The following FMN2 variants were observed in gnomAD, a reference collection of about 807,000 sequenced individuals.
FMN2 encodes formin 2, also known as formin-2.
FMN2 carries 51 observed loss-of-function variants against 142.3 expected under a neutral mutation model. The ratio of observed to expected loss-of-function variants is 0.36; its 90% CI spans 0.29 to 0.45. The LOEUF (loss-of-function observed/expected upper bound fraction) is 0.45. FMN2 is among the 20% of genes least tolerant of loss of function. The pLI, the probability that FMN2 is intolerant of heterozygous loss-of-function variation, is 1.00. For synonymous variants in FMN2, 882 were observed against 869.8 expected (o/e 1.01, Z -0.25); for missense variants, 1,936 against 2,122.8 (o/e 0.91, Z 1.73).
intron 1 of FMN2, among the ~76,000 whole-genome samples, chr1:240,122,733 G>A (rs10926133): frequency 0.46 from 69,953 of 151,864 alleles, 16,271 homozygotes; most frequent in Middle Eastern, 0.49. Context: ...CTTCAGCAAC[G>A]TAGTGAGACC....
intron 6 of FMN2, among the ~76,000 whole-genome samples, chr1:240,213,175 C>T (rs1328915611): frequency 6.6e-6 from 1 of 152,158 alleles, no homozygotes; most frequent in Non-Finnish European, 1.5e-5. Context: ...GCATCATCAT[C>T]TTAAGATAAT....
intron 2 of FMN2, among the ~76,000 whole-genome samples, chr1:240,141,344 T>TTTTATTTA (rs59481681): frequency 3.2e-4 from 48 of 150,524 alleles, no homozygotes; most frequent in South Asian, 6.3e-4. Context: ...GGCAACGGTA[T>TTTTATTTA]TTTATTTATT....
chr1:240,332,143 C>T (rs1293470338), intron 11 of FMN2, among the ~76,000 whole-genome samples: 1 of 152,018 alleles, frequency 6.6e-6, no homozygotes, highest in Non-Finnish European at 1.5e-5. Context: ...ATTCATAGTC[C>T]TTCCTTGGTA....
At chr1:240,289,840 T>G (rs1669716851) in intron 7 of FMN2, among the ~76,000 whole-genome samples, 1 of 152,226 alleles carries the variant, frequency 6.6e-6, no homozygotes, top group African/African-American at 2.4e-5. Context: ...ATAAGTCCTT[T>G]CCCTTCTGTG....
At chr1:240,139,597 A>G (rs1663094043) in intron 2 of FMN2, among the ~76,000 whole-genome samples, 2 of 152,360 alleles carry the variant, frequency 1.3e-5, no homozygotes, top group South Asian at 4.1e-4. Flanking sequence ...TTAAAAAGAA[A>G]GAAGGAGTGT....
At chr1:240,306,266 C>A (rs1303369314) in intron 8 of FMN2, among the ~76,000 whole-genome samples, 2 of 152,022 alleles carry the variant, frequency 1.3e-5, no homozygotes, top group Admixed American at 6.6e-5. Flanking sequence ...TTTTTATTTT[C>A]TTTTTTTAAA....
chr1:240,108,711 A>G (rs1483176718), intron 1 of FMN2, among the ~76,000 whole-genome samples: 1 of 152,122 alleles, frequency 6.6e-6, no homozygotes, highest in African/African-American at 2.4e-5. Context: ...AAATACAGCA[A>G]CTGTCTTGTT....
In FMN2 at chr1:240,139,784, C is replaced by T. The variant is rs934576629; in HGVS notation, c.1782+16439C>T. On this transcript the variant is annotated intron_variant, in intron 2 of 17. Transcript: ENST00000319653. Reference sequence around the variant, plus strand: ...GAAGATGGGAGGTGAAGTCAGTCCACGTGTGTGATTAGCTCTGTGCACTTG... The same window carrying T: ...GAAGATGGGAGGTGAAGTCAGTCCATGTGTGTGATTAGCTCTGTGCACTTG... Among the ~76,000 whole-genome samples the T allele has an allele frequency of 3.3e-5, 5 of 152,002 alleles. No individual in the cohort carries two copies. In the South Asian group the frequency reaches 6.2e-4, roughly 19 times the overall value.
chr1:240,232,909 C>T (rs983003816), intron 6 of FMN2, among the ~76,000 whole-genome samples: 2 of 152,192 alleles, frequency 1.3e-5, no homozygotes, highest in East Asian at 3.9e-4. Flanking sequence ...CTTACTGTGG[C>T]CTTGCTGTTT....
chr1:240,106,592 T>A (rs1661617579), intron 1 of FMN2, among the ~76,000 whole-genome samples: 1 of 152,126 alleles, frequency 6.6e-6, no homozygotes, highest in Non-Finnish European at 1.5e-5. Flanking sequence ...CCACTCTTCC[T>A]CCTCCTTATA....
chr1:240,117,109 C>G (rs186977936), intron 1 of FMN2, among the ~76,000 whole-genome samples: 1 of 152,130 alleles, frequency 6.6e-6, no homozygotes, highest in Admixed American at 6.6e-5. Flanking sequence ...CAGCTCAGAA[C>G]ACAAGGGAAA....
At chr1:240,302,413 G>T (rs2102974754) in intron 8 of FMN2, among the ~76,000 whole-genome samples, 1 of 151,876 alleles carries the variant, frequency 6.6e-6, no homozygotes, top group African/African-American at 2.4e-5. Flanking sequence ...AAAGAAAAAT[G>T]AATAAAAGAG....
At chr1:240,450,870 C>T (rs371511200) in intron 16 of FMN2, among the ~76,000 whole-genome samples, 6 of 152,214 alleles carry the variant, frequency 3.9e-5, no homozygotes, top group East Asian at 1.9e-4. Context: ...GCACGCAGAC[C>T]GTTCCTAGGG....
chr1:240,231,921 T>C (rs541465969), intron 6 of FMN2, among the ~76,000 whole-genome samples: 18 of 152,344 alleles, frequency 1.2e-4, no homozygotes, highest in African/African-American at 3.8e-4. Context: ...CTTGAATTCA[T>C]TGATCCTCAT....
chr1:240,334,056 T>C, intron 12 of FMN2, 53 bp from the exon 13 acceptor site: 1 of 1,572,162 alleles, frequency 6.4e-7, no homozygotes, highest in South Asian at 1.2e-5. Flanking sequence ...TATTATTCTT[T>C]TTTATATTGA....
chr1:240,281,508 A>G (rs1382821232), intron 7 of FMN2, among the ~76,000 whole-genome samples: 1 of 152,160 alleles, frequency 6.6e-6, no homozygotes, highest in East Asian at 1.9e-4. Context: ...CTAGCTCAGA[A>G]TTAGAATTCT....
chr1:240,225,763 C>T (rs754135411), intron 6 of FMN2, among the ~76,000 whole-genome samples: 6 of 151,856 alleles, frequency 4.0e-5, no homozygotes, highest in Non-Finnish European at 8.8e-5. Context: ...CTCAACGCAC[C>T]CATTAAAAAT....
chr1:240,238,135 A>G (rs1395408658), intron 6 of FMN2, among the ~76,000 whole-genome samples: 4 of 152,188 alleles, frequency 2.6e-5, no homozygotes. Context: ...CTTATCGAAA[A>G]TTCAAATTTA....
intron 4 of FMN2, among the ~76,000 whole-genome samples, chr1:240,189,853 CT>C: frequency 7.2e-6 from 1 of 138,060 alleles, no homozygotes; most frequent in East Asian, 2.0e-4. Flanking sequence ...AGATAGTACC[CT>C]CAAATCTTCC....
Sources: gnomAD v4.1 joint callset for allele counts (sites outside exome capture counted in the v4.1 genomes callset) on GRCh38, gnomAD v4.1.1 for gene constraint, MANE v1.5 for transcripts, NCBI Gene and HGNC (gene_info 2026-07-23, HGNC 2026-07-21) for gene names.